The following UHRF1 variants were observed in gnomAD, a reference collection of about 807,000 sequenced individuals.
UHRF1 encodes the protein E3 ubiquitin-protein ligase UHRF1.
In UHRF1, 9 loss-of-function variants were observed where a neutral mutation model predicts 96.5. The ratio of observed to expected loss-of-function variants is 0.09; its 90% CI spans 0.06 to 0.16. The LOEUF is 0.16. Among genes scored for constraint, UHRF1 ranks in the 10% least tolerant of loss-of-function variants. The pLI is 1.00. For missense variants in UHRF1, 626 were observed against 1,131.1 expected (o/e 0.55, Z 6.40); for synonymous variants, 455 against 469.9 (o/e 0.97, Z 0.41).
chr19:4,923,816 G>A (rs1165760948), intron 2 of UHRF1, among the ~76,000 whole-genome samples: 1 of 152,210 alleles, frequency 6.6e-6, no homozygotes, highest in Non-Finnish European at 1.5e-5. Flanking sequence ...ACCCCAGAGA[G>A]TGATCAGACC....
chr19:4,959,188 G>C (rs1196245703), intron 16 of UHRF1, among the ~76,000 whole-genome samples: 1 of 151,850 alleles, frequency 6.6e-6, no homozygotes, highest in Non-Finnish European at 1.5e-5. Context: ...AAATTAGCCA[G>C]GTGTGCTGGT....
chr19:4,909,573 T>A lies in UHRF1; in HGVS notation c.-93T>A. On this transcript the variant is annotated 5_prime_UTR_variant, in exon 1 of 17. Transcript: ENST00000650932. ...GGGTCGCACGCAAGTCCGCGCGGGG[T>A]CCGGGCCACGCACGCGGTTTCATCG... is the stretch of plus-strand genomic sequence containing the variant. 1.5e-6 allele frequency: 1 copy of A among 655,432 alleles called. No homozygotes were observed. The highest frequency in any genetic ancestry group is 2.7e-6 in the Non-Finnish European group (1 of 364,838). The allele number at this position is 655,432 out of a possible 1,614,324, so 40.6% of individuals were successfully genotyped here. A position where few individuals can be genotyped will look rare whatever the true frequency, so the allele number is the denominator to read the frequency against.
In UHRF1 at chr19:4,950,707, T is replaced by C. The variant is rs777791434; in HGVS notation, c.1614T>C (p.Asn538=). The C allele has an allele frequency of 9.3e-6, 15 of 1,605,986 alleles. No individual in the cohort carries two copies. The highest frequency in any genetic ancestry group is 1.3e-5 in the Non-Finnish European group (15 of 1,176,182). Residue 538 remains asparagine, a synonymous_variant, in exon 12 of 17, where the codon AAT becomes AAC. Coordinates refer to ENST00000650932, the MANE Select transcript of UHRF1 (RefSeq NM_001048201.3). ...GGAAGCCGGTCAGGGTGGTGCGCAA[T>C]GTCAAGGGTGGCAAGAATAGCAAGT... The part of the protein sequence containing the change: ...RSGKPVRVVR[N]VKGGKNSKYA...
rs1191034950 is a variant in UHRF1 at position 4,960,809 on chromosome 19, A to G, written c.*6A>G. On this transcript the variant is annotated 3_prime_UTR_variant, in exon 17 of 17. Transcript: ENST00000650932. ...GCTACGGCAATGGCCGGTGATCTCC[A>G]AGCACTTCTCGACAGGCGTTTTGCT... 19 of 1,498,074 alleles carry G rather than the reference A, an allele frequency of 1.3e-5. No individual in the cohort carries two copies. The highest frequency in any genetic ancestry group is 1.6e-5 in the Non-Finnish European group (18 of 1,095,352). 92.8% of individuals were successfully genotyped at this position (1,498,074 alleles called of 1,614,324 possible). A position where few individuals can be genotyped will look rare whatever the true frequency, so the allele number is the denominator to read the frequency against.
At chr19:4,914,180 G>T (rs2032402149) in intron 2 of UHRF1, among the ~76,000 whole-genome samples, 1 of 152,082 alleles carries the variant, frequency 6.6e-6, no homozygotes, top group Non-Finnish European at 1.5e-5. Context: ...CCGGGCCACA[G>T]AGAGGTGATG....
At chr19:4,950,498 C>A in intron 11 of UHRF1, 113 bp from the exon 12 acceptor site, 1 of 1,171,140 alleles carries the variant, frequency 8.5e-7, no homozygotes. Flanking sequence ...CCTACTTCAG[C>A]CTCCCAAAGT....
At chr19:4,948,844 C>T (rs997811151) in intron 11 of UHRF1, among the ~76,000 whole-genome samples, 1 of 151,250 alleles carries the variant, frequency 6.6e-6, no homozygotes, top group African/African-American at 2.4e-5. Context: ...AGCAAAGAGG[C>T]CAGGCGTGGT....
intron 5 of UHRF1, among the ~76,000 whole-genome samples, chr19:4,937,233 G>A (rs915874607): frequency 4.0e-5 from 6 of 150,028 alleles, no homozygotes; most frequent in African/African-American, 1.2e-4. Context: ...TGAAGTTACC[G>A]CATATCAGTA....
rs11401601 is a variant in UHRF1, at chr19:4,939,381, C to CTT, written c.786-2139_786-2138dup. On this transcript the variant is annotated intron_variant, in intron 5 of 16. Transcript: ENST00000650932. ...CCAGTCTTAGAATATGTTTTTCTTT[C>CTT]TTTTTTTTTGAGACGGAGTCTTGCT... Among the ~76,000 whole-genome samples, 459 of 150,444 alleles carry CTT rather than the reference C, an allele frequency of 3.1e-3. 1 individual carries two copies. Among genetic ancestry groups the CTT allele is most frequent in the African/African-American group, 9.9e-3 (405 of 40,856 alleles).
intron 1 of UHRF1, among the ~76,000 whole-genome samples, chr19:4,904,118 G>T (rs866891489): frequency 6.7e-6 from 1 of 150,366 alleles, no homozygotes; most frequent in South Asian, 2.1e-4. Flanking sequence ...CTGGGATTAC[G>T]GGCATGGGGG....
chr19:4,913,419 A>G (rs1365615181), intron 2 of UHRF1, among the ~76,000 whole-genome samples: 2 of 151,698 alleles, frequency 1.3e-5, no homozygotes, highest in African/African-American at 4.8e-5. Context: ...ACGCCTGATT[A>G]ATTTTTTGTA....
chr19:4,908,181 T>C, upstream of UHRF1, among the ~76,000 whole-genome samples: 1 of 152,146 alleles, frequency 6.6e-6, no homozygotes, highest in East Asian at 1.9e-4. Flanking sequence ...CCTGCAAAGT[T>C]GCAAAGTCCT....
rs762183164 is a variant in UHRF1 at position 4,947,849 on chromosome 19, G to A, written c.1517+638G>A. 6.8e-4 allele frequency among the ~76,000 whole-genome samples: 104 copies of A among 151,990 alleles called. 1 individual carries two copies. The highest frequency in any genetic ancestry group is 2.1e-4 in the South Asian group (1 of 4,824). On this transcript the variant is annotated intron_variant, in intron 11 of 16. Transcript: ENST00000650932. ...CTGGTGGCTCACGCCTGTAATTCTC[G>A]CGCTTCAGGAGGCCGAGGCTCGAGG...
chr19:4,937,807 T>C (rs2033263420), intron 5 of UHRF1, among the ~76,000 whole-genome samples: 1 of 152,180 alleles, frequency 6.6e-6, no homozygotes, highest in Non-Finnish European at 1.5e-5. Flanking sequence ...CTGGAAGAGA[T>C]TGTGTAAAAT....
At chr19:4,913,252 C>CTTTTT (rs4022195) in intron 2 of UHRF1, among the ~76,000 whole-genome samples, 42 of 111,180 alleles carry the variant, frequency 3.8e-4, no homozygotes, top group African/African-American at 6.7e-4. Context: ...GTACATTGTG[C>CTTTTT]TTTTTTTTTT....
chr19:4,958,769 T>G (rs2033919532), intron 16 of UHRF1, among the ~76,000 whole-genome samples: 1 of 151,786 alleles, frequency 6.6e-6, no homozygotes, highest in African/African-American at 2.4e-5. Context: ...GTCAGGAGTT[T>G]GAGACCAGCC....
At position 4,909,616 on chromosome 19, in the gene UHRF1, A is replaced by G; in HGVS notation, c.-50A>G. ...TTTCATCGCCATCCCCAGCCGGGCC[A>G]CGCGCGCAGGCAGACAAGCTGTTCG... On this transcript the variant is annotated 5_prime_UTR_variant, in exon 1 of 17. Coordinates refer to ENST00000650932, the MANE Select transcript of UHRF1 (RefSeq NM_001048201.3). 1.6e-6 allele frequency: 1 copy of G among 626,090 alleles called. No individual in the cohort carries two copies. Among genetic ancestry groups the G allele is most frequent in the South Asian group, 1.7e-5 (1 of 58,460 alleles). 38.8% of individuals were successfully genotyped at this position (626,090 alleles called of 1,614,324 possible).
intron 2 of UHRF1, among the ~76,000 whole-genome samples, chr19:4,913,847 T>C (rs972753381): frequency 6.7e-6 from 1 of 148,820 alleles, no homozygotes; most frequent in Non-Finnish European, 1.5e-5. Context: ...GTTTCGCTCT[T>C]ATTGCCCAAG....
intron 13 of UHRF1, among the ~76,000 whole-genome samples, chr19:4,951,830 A>G (rs913049737): frequency 6.6e-6 from 1 of 152,136 alleles, no homozygotes; most frequent in Non-Finnish European, 1.5e-5. Flanking sequence ...ACTGCCGAGA[A>G]CTTACTCAAC....
Sources: allele counts gnomAD v4.1 joint callset (sites outside exome capture counted in the v4.1 genomes callset), GRCh38; gene constraint gnomAD v4.1.1; transcripts MANE v1.5; gene names NCBI Gene and HGNC (gene_info 2026-07-23, HGNC 2026-07-21).